The following PPM1L variants were observed in gnomAD, a reference collection of about 807,000 sequenced individuals.
The protein encoded by PPM1L is protein phosphatase 1L.
PPM1L carries 13 observed loss-of-function variants against 31.4 expected under a neutral mutation model. That is an observed-to-expected ratio of 0.41 (90% CI 0.27 to 0.66). The LOEUF (loss-of-function observed/expected upper bound fraction) is 0.66, where lower values mean the gene tolerates loss of function less well. Ranked by LOEUF, PPM1L falls within the 30% of genes least tolerant of loss-of-function variation. PPM1L has a pLI of 0.29. For synonymous variants in PPM1L, 184 were observed against 175.4 expected, an observed-to-expected ratio of 1.05 and a Z score of -0.39; for missense variants, 326 against 453.7, an observed-to-expected ratio of 0.72 and a Z score of 2.56.
chr3:160,920,589 TC>T (rs1714355056), intron 1 of PPM1L, among the ~76,000 whole-genome samples: 10 of 19,228 alleles, frequency 5.2e-4, no homozygotes, highest in Admixed American at 3.0e-3. Flanking sequence ...ATTTAGTTTC[TC>T]TCTCTCTCTC....
intron 1 of PPM1L, among the ~76,000 whole-genome samples, chr3:160,832,140 A>G (rs1194949254): frequency 1.3e-5 from 2 of 152,306 alleles, no homozygotes; most frequent in East Asian, 1.9e-4. Flanking sequence ...CTCACAGTTT[A>G]TTAAGGAAAG....
intron 1 of PPM1L, among the ~76,000 whole-genome samples, chr3:160,757,266 C>T (rs892000935): frequency 3.3e-5 from 5 of 152,258 alleles, no homozygotes; most frequent in African/African-American, 1.2e-4. Context: ...CCAACTCTAT[C>T]AACTTTACAA....
At chr3:160,889,993 T>C (rs1713077738) in intron 1 of PPM1L, among the ~76,000 whole-genome samples, 3 of 152,148 alleles carry the variant, frequency 2.0e-5, no homozygotes, top group African/African-American at 7.2e-5. Context: ...ATAGAACATA[T>C]CTCAAAATAA....
intron 1 of PPM1L, among the ~76,000 whole-genome samples, chr3:160,809,847 A>C (rs1353549817): frequency 6.6e-6 from 1 of 152,090 alleles, no homozygotes; most frequent in East Asian, 1.9e-4. Flanking sequence ...GAAAAAGGCA[A>C]ATTTGATCCC....
chr3:160,802,470 G>T (rs1712459845), intron 1 of PPM1L, among the ~76,000 whole-genome samples: 1 of 152,142 alleles, frequency 6.6e-6, no homozygotes, highest in Non-Finnish European at 1.5e-5. Flanking sequence ...TTTTGAAAAG[G>T]TAGACAACAG....
At chr3:160,860,847 T>C (rs1711860578) in intron 1 of PPM1L, among the ~76,000 whole-genome samples, 1 of 152,164 alleles carries the variant, frequency 6.6e-6, no homozygotes, top group African/African-American at 2.4e-5. Context: ...ATCATTTATC[T>C]CTTGTCTCTT....
chr3:160,783,374 C>A (rs192658622), intron 1 of PPM1L, among the ~76,000 whole-genome samples: 3 of 151,942 alleles, frequency 2.0e-5, no homozygotes, highest in Non-Finnish European at 2.9e-5. Context: ...CCAAGGCGGG[C>A]GGATGACCTG....
chr3:161,048,003 A>T (rs972933280), intron 2 of PPM1L, among the ~76,000 whole-genome samples: 10 of 152,226 alleles, frequency 6.6e-5, no homozygotes, highest in Non-Finnish European at 8.8e-5. Context: ...AACCTAGGCA[A>T]TACCATTCAG....
At position 160,894,708 on chromosome 3, in the gene PPM1L, A is replaced by G. The variant is rs572524593; in HGVS notation, c.400-67028A>G. 5.9e-5 allele frequency among the ~76,000 whole-genome samples: 9 copies of G among 152,288 alleles called. No individual in the cohort carries two copies. In the East Asian group the frequency reaches 7.7e-4, roughly 13 times the overall value. On this transcript the variant is annotated intron_variant, in intron 1 of 3. Coordinates refer to ENST00000498165, the MANE Select transcript of PPM1L (RefSeq NM_139245.4). The stretch of plus-strand genomic sequence containing the variant: ...CATTCTTTAGGAATCTTTATTAGCA[A>G]TAGCATCAACAATCACAAAACATGC...
intron 1 of PPM1L, among the ~76,000 whole-genome samples, chr3:160,914,543 G>C (rs1714090108): frequency 1.3e-5 from 2 of 149,004 alleles, no homozygotes; most frequent in African/African-American, 5.0e-5. Context: ...TACAGTGTTT[G>C]GTTTTCTGTC....
chr3:160,942,953 G>T (rs528877794), intron 1 of PPM1L, among the ~76,000 whole-genome samples: 3 of 151,904 alleles, frequency 2.0e-5, no homozygotes, highest in African/African-American at 4.8e-5. Flanking sequence ...CTGAAGGATA[G>T]ACTTTTTTTT....
chr3:160,837,739 A>G (rs899970368), intron 1 of PPM1L, among the ~76,000 whole-genome samples: 1 of 152,168 alleles, frequency 6.6e-6, no homozygotes, highest in Non-Finnish European at 1.5e-5. Flanking sequence ...AACACAGACA[A>G]AAGGAAACAG....
intron 2 of PPM1L, among the ~76,000 whole-genome samples, chr3:161,060,195 T>C (rs1002828818): frequency 1.6e-4 from 25 of 152,172 alleles, no homozygotes; most frequent in African/African-American, 6.0e-4. Flanking sequence ...AAGGCCTCTC[T>C]GAAGATGTCA....
At chr3:160,813,720 C>T (rs2108086090) in intron 1 of PPM1L, among the ~76,000 whole-genome samples, 1 of 152,288 alleles carries the variant, frequency 6.6e-6, no homozygotes, top group South Asian at 2.1e-4. Context: ...TCTCATACTT[C>T]TATAACAAAG....
chr3:160,960,324 A>G (rs1238306275), intron 1 of PPM1L, among the ~76,000 whole-genome samples: 2 of 152,180 alleles, frequency 1.3e-5, no homozygotes, highest in African/African-American at 4.8e-5. Context: ...GGTAGTTAGC[A>G]TATCCCTTAC....
intron 1 of PPM1L, among the ~76,000 whole-genome samples, chr3:160,899,990 A>G (rs6441338): frequency 0.34 from 50,915 of 151,870 alleles, 9,039 homozygotes; most frequent in East Asian, 0.51. Flanking sequence ...GCTTTTTCTC[A>G]TATTCTTGGT....
At chr3:160,953,778 G>A (rs1365203670) in intron 1 of PPM1L, among the ~76,000 whole-genome samples, 1 of 152,140 alleles carries the variant, frequency 6.6e-6, no homozygotes, top group Non-Finnish European at 1.5e-5. Context: ...ATAGTTTTCA[G>A]GCTTACTGTT....
At chr3:160,810,300 C>T (rs1712769380) in intron 1 of PPM1L, among the ~76,000 whole-genome samples, 2 of 152,034 alleles carry the variant, frequency 1.3e-5, no homozygotes, top group South Asian at 4.2e-4. Context: ...GCTTTTATTG[C>T]TCTCACTCCT....
At position 160,756,332 on chromosome 3, in the gene PPM1L, G is replaced by A. The variant is rs762293041; in HGVS notation, c.24G>A (p.Leu8=). Residue 8 remains leucine, a synonymous_variant, in exon 1 of 4, where the codon TTG becomes TTA. Coordinates refer to ENST00000498165, the MANE Select transcript of PPM1L (RefSeq NM_139245.4). This position sits in a 1 kb window ranked among gnomAD's most constrained non-coding sequence, Gnocchi z 6.2. The part of the protein sequence containing the change: MIEDTMT[L]LSLLGRIMRY... The stretch of plus-strand genomic sequence containing the variant: ...AAATGATAGAGGATACAATGACTTT[G>A]CTGTCTCTGCTGGGTCGCATCATGC... 2 of 1,613,814 alleles carry A rather than the reference G, an allele frequency of 1.2e-6. No homozygotes were observed. Among genetic ancestry groups the A allele is most frequent in the South Asian group, 2.2e-5 (2 of 91,076 alleles).
Sources: allele counts gnomAD v4.1 joint callset (sites outside exome capture counted in the v4.1 genomes callset), GRCh38; gene constraint gnomAD v4.1.1; non-coding constraint Gnocchi (gnomAD v3.1); transcripts MANE v1.5; gene names NCBI Gene and HGNC (gene_info 2026-07-23, HGNC 2026-07-21).